Variants in QTGAL observed in about 807,000 individuals in gnomAD.
The protein encoded by QTGAL is queuosine-tRNA galactosyltransferase.
chr17:83,002,871 ATTCCTGAGCCCGCCCTCCG>A, the QTGAL span, among the ~76,000 whole-genome samples: 1,993 of 86,862 alleles, frequency 0.023, 101 homozygotes, highest in African/African-American at 0.077. Flanking sequence ...CGCGTGTGGG[ATTCCTGAGCCCGCCCTCCG>A]CGTGTGGGAT....
chr17:82,946,820 A>G, the QTGAL span: 1 of 1,339,226 alleles, frequency 7.5e-7, no homozygotes, highest in South Asian at 1.3e-5. Context: ...GCAGAATGAA[A>G]AGGAAATGAA....
chr17:83,033,975 C>G, the QTGAL span, among the ~76,000 whole-genome samples: 2 of 152,108 alleles, frequency 1.3e-5, no homozygotes, highest in South Asian at 2.1e-4. Flanking sequence ...GAGTCTCACT[C>G]TGTCTCCCAG....
the QTGAL span, among the ~76,000 whole-genome samples, chr17:83,007,623 G>T: frequency 6.6e-6 from 1 of 152,076 alleles, no homozygotes; most frequent in African/African-American, 2.4e-5. Context: ...CCTGGATCCC[G>T]CTGGGGCATG....
chr17:82,963,326 G>A, the QTGAL span, among the ~76,000 whole-genome samples: 3 of 152,172 alleles, frequency 2.0e-5, no homozygotes, highest in African/African-American at 7.2e-5. Flanking sequence ...CTTCTCTAGA[G>A]CCCCATCCCC....
At chr17:82,982,962 G>A in the QTGAL span, among the ~76,000 whole-genome samples, 1 of 152,168 alleles carries the variant, frequency 6.6e-6, no homozygotes, top group African/African-American at 2.4e-5. Context: ...GGGGTACATA[G>A]GAACTCTCTG....
the QTGAL span, chr17:82,960,446 T>C: frequency 2.0e-5 from 3 of 152,254 alleles, no homozygotes; most frequent in African/African-American, 7.2e-5. Context: ...CCGAGACCTC[T>C]GTGTCCTCAC....
At chr17:82,975,860 C>T in the QTGAL span, among the ~76,000 whole-genome samples, 1 of 59,222 alleles carries the variant, frequency 1.7e-5, no homozygotes, top group Non-Finnish European at 3.1e-5. Context: ...CAGAGCCCGA[C>T]TCCATCCTCC....
At chr17:82,949,362 A>G in the QTGAL span, 5 of 152,250 alleles carry the variant, frequency 3.3e-5, no homozygotes, top group Non-Finnish European at 5.9e-5. Flanking sequence ...TGTATCACAA[A>G]TGCATGAAAC....
the QTGAL span, among the ~76,000 whole-genome samples, chr17:83,037,903 G>T: frequency 9.7e-4 from 147 of 152,312 alleles, no homozygotes; most frequent in African/African-American, 3.4e-3. This position sits in a 1 kb window ranked among gnomAD's most constrained non-coding sequence, Gnocchi z 5.2. Context: ...TGGGGCTCCT[G>T]CTTGGGGAGG....
chr17:82,995,934 C>A, the QTGAL span, among the ~76,000 whole-genome samples: 1 of 149,302 alleles, frequency 6.7e-6, no homozygotes, highest in South Asian at 2.1e-4. Flanking sequence ...AAGATCTCTA[C>A]GATGAAAACT....
chr17:83,001,987 C>T, the QTGAL span, among the ~76,000 whole-genome samples: 1 of 151,952 alleles, frequency 6.6e-6, no homozygotes, highest in Non-Finnish European at 1.5e-5. Context: ...GTCTTAAATC[C>T]CCAGGCTCAA....
At chr17:82,961,072 G>A in the QTGAL span, 39 of 1,609,396 alleles carry the variant, frequency 2.4e-5, no homozygotes, top group African/African-American at 1.7e-4. Flanking sequence ...GACGCAGTGC[G>A]TGGCCGCCTG....
At chr17:83,002,090 GGCA>G in the QTGAL span, among the ~76,000 whole-genome samples, 1 of 151,156 alleles carries the variant, frequency 6.6e-6, no homozygotes. Context: ...ACACTATACT[GGCA>G]TGAAGGTCTA....
chr17:82,970,138 C>T, the QTGAL span, among the ~76,000 whole-genome samples: 5 of 152,324 alleles, frequency 3.3e-5, no homozygotes, highest in East Asian at 9.7e-4. Context: ...GTGCCTGTCA[C>T]ACAGGGTGCC....
At chr17:83,000,516 G>A in the QTGAL span, among the ~76,000 whole-genome samples, 1 of 152,076 alleles carries the variant, frequency 6.6e-6, no homozygotes. Flanking sequence ...GTCTATAAGT[G>A]TTTGTATGCA....
At chr17:82,972,951 C>T in the QTGAL span, among the ~76,000 whole-genome samples, 1 of 152,218 alleles carries the variant, frequency 6.6e-6, no homozygotes, top group South Asian at 2.1e-4. Context: ...CCAGAAGGAC[C>T]TGGGGCTGTG....
the QTGAL span, among the ~76,000 whole-genome samples, chr17:82,984,117 TGGGGGAGAG>T: frequency 1.7e-5 from 1 of 60,122 alleles, no homozygotes; most frequent in African/African-American, 6.8e-5. Context: ...TGTGAGCACA[TGGGGGAGAG>T]GCCACGTGAG....
chr17:83,000,053 C>T, the QTGAL span, among the ~76,000 whole-genome samples: 1 of 152,264 alleles, frequency 6.6e-6, no homozygotes, highest in African/African-American at 2.4e-5. Flanking sequence ...ACCTCTGCCA[C>T]CTGGGTTCAA....
chr17:82,969,044 G>A, the QTGAL span, among the ~76,000 whole-genome samples: 1 of 151,088 alleles, frequency 6.6e-6, no homozygotes, highest in African/African-American at 2.4e-5. Flanking sequence ...TGAGGCAGGA[G>A]AATCGCTTGA....
Sources: allele counts gnomAD v4.1 joint callset (sites outside exome capture counted in the v4.1 genomes callset), GRCh38; gene constraint gnomAD v4.1.1; non-coding constraint Gnocchi (gnomAD v3.1); transcripts MANE v1.5; gene names NCBI Gene and HGNC (gene_info 2026-07-23, HGNC 2026-07-21).